The following CTNNA2 variants were observed in gnomAD, a reference collection of about 807,000 sequenced individuals.
CTNNA2 encodes the protein catenin alpha-2.
In CTNNA2, 42 loss-of-function variants were observed where a neutral mutation model predicts 101.0. That is an observed-to-expected ratio of 0.42 (90% CI 0.32 to 0.54). The LOEUF is 0.54. Among genes scored for constraint, CTNNA2 ranks in the 20% least tolerant of loss-of-function variants. CTNNA2 has a pLI of 0.14. For missense variants in CTNNA2, 871 were observed against 1,223.1 expected (o/e 0.71, Z 4.29); for synonymous variants, 450 against 456.4 (o/e 0.99, Z 0.18).
intron 7 of CTNNA2, chr2:80,304,429 G>A (rs1395457115): frequency 6.5e-6 from 1 of 152,680 alleles, no homozygotes; most frequent in Non-Finnish European, 1.5e-5. Context: ...TCTGCAGTTC[G>A]GACTGTGACG....
At chr2:79,979,778 A>C (rs568545024) in intron 7 of CTNNA2, among the ~76,000 whole-genome samples, 1 of 152,262 alleles carries the variant, frequency 6.6e-6, no homozygotes, top group East Asian at 1.9e-4. Context: ...AAGGCCCTGC[A>C]CACTTACAAG....
At chr2:80,052,476 T>C (rs911390837) in intron 7 of CTNNA2, among the ~76,000 whole-genome samples, 1 of 152,244 alleles carries the variant, frequency 6.6e-6, no homozygotes, top group Admixed American at 6.5e-5. Flanking sequence ...ACTCTGTGAT[T>C]TGTTGCTGCT....
At chr2:80,468,271 C>T (rs980072301) in intron 9 of CTNNA2, among the ~76,000 whole-genome samples, 7 of 152,070 alleles carry the variant, frequency 4.6e-5, no homozygotes, top group Non-Finnish European at 1.0e-4. Context: ...AATTTGGACC[C>T]TATTTGAAAA....
At chr2:79,960,562 T>C (rs559738146) in intron 7 of CTNNA2, among the ~76,000 whole-genome samples, 2 of 152,368 alleles carry the variant, frequency 1.3e-5, no homozygotes, top group South Asian at 4.1e-4. Flanking sequence ...GCACCTAGTA[T>C]TGAGCAACCA....
chr2:80,517,110 C>G (rs990561792), intron 9 of CTNNA2, among the ~76,000 whole-genome samples: 2 of 152,140 alleles, frequency 1.3e-5, no homozygotes, highest in African/African-American at 4.8e-5. Context: ...ACATTTGTTT[C>G]TGACCTTCAG....
chr2:79,766,252 A>G (rs867766199), intron 3 of CTNNA2, among the ~76,000 whole-genome samples: 7 of 152,092 alleles, frequency 4.6e-5, no homozygotes, highest in Non-Finnish European at 8.8e-5. Flanking sequence ...CTGTCTGGAA[A>G]ATTCTTTATT....
intron 3 of CTNNA2, among the ~76,000 whole-genome samples, chr2:79,813,347 A>G (rs1677200740): frequency 6.6e-6 from 1 of 152,192 alleles, no homozygotes; most frequent in Non-Finnish European, 1.5e-5. Flanking sequence ...ATTCCCACAG[A>G]GAAATTTATG....
chr2:80,325,282 T>C (rs1272364924), intron 7 of CTNNA2, among the ~76,000 whole-genome samples: 2 of 152,140 alleles, frequency 1.3e-5, no homozygotes, highest in African/African-American at 2.4e-5. Flanking sequence ...TACTGTAGAT[T>C]TGCAGGATTT....
At chr2:79,769,749 G>T (rs1401063737) in intron 3 of CTNNA2, among the ~76,000 whole-genome samples, 1 of 152,166 alleles carries the variant, frequency 6.6e-6, no homozygotes, top group Non-Finnish European at 1.5e-5. Context: ...ATATTCTTCT[G>T]ATTAGGAGTT....
intron 7 of CTNNA2, among the ~76,000 whole-genome samples, chr2:80,330,574 C>A (rs566463834): frequency 2.0e-5 from 3 of 151,692 alleles, no homozygotes; most frequent in South Asian, 4.2e-4. Context: ...GGCAAGCTGA[C>A]AATCAGGCCG....
chr2:79,368,215 TAA>T (rs546408346), intron 3 of CTNNA2, among the ~76,000 whole-genome samples: 181 of 152,354 alleles, frequency 1.2e-3, no homozygotes, highest in African/African-American at 4.0e-3. Context: ...ATATTTAACG[TAA>T]GACTCCTTTT....
intron 7 of CTNNA2, among the ~76,000 whole-genome samples, chr2:80,078,252 A>G (rs1025203162): frequency 1.3e-5 from 2 of 152,176 alleles, no homozygotes; most frequent in Non-Finnish European, 2.9e-5. Context: ...TGGTTGCAGA[A>G]CCATTTTCTG....
chr2:79,201,785 GA>G lies in CTNNA2; in HGVS notation c.-406+3711del, dbSNP rs1034740075. 1.1e-4 allele frequency among the ~76,000 whole-genome samples: 17 copies of G among 152,096 alleles called. 1 individual carries two copies. Among genetic ancestry groups the G allele is most frequent in the African/African-American group, 4.1e-4 (17 of 41,502 alleles). ...AATCCCTTCGTGGTTAGCAAAATGT[GA>G]ACCCCAAATATATGAGATGGGTCTC... On this transcript the variant is annotated intron_variant, in intron 2 of 21. Transcript: ENST00000466387.
chr2:80,002,104 C>G (rs1436473477), intron 7 of CTNNA2, among the ~76,000 whole-genome samples: 1 of 152,102 alleles, frequency 6.6e-6, no homozygotes, highest in Non-Finnish European at 1.5e-5. Context: ...TTCTATGGCT[C>G]AGACAGACTT....
In CTNNA2 at chr2:79,344,867, T is replaced by C. The variant is rs543337614; in HGVS notation, c.-317-28964T>C. 2.5e-3 allele frequency among the ~76,000 whole-genome samples: 362 copies of C among 144,896 alleles called. 3 individuals carry two copies. Among genetic ancestry groups the C allele is most frequent in the African/African-American group, 8.8e-3 (347 of 39,382 alleles). On this transcript the variant is annotated intron_variant, in intron 3 of 21. Coordinates refer to the CTNNA2 transcript ENST00000466387. ...CAAATATTATATATATAATATATTA[T>C]ATTTATATATATAATATATATATAA...
rs546435454 is a variant in CTNNA2, at chr2:79,816,486, G to A, written c.299-41527G>A. 6.6e-5 allele frequency among the ~76,000 whole-genome samples: 10 copies of A among 152,054 alleles called. No individual in the cohort carries two copies. In the East Asian group the frequency reaches 9.6e-4, roughly 15 times the overall value. ...GAGACATAATGCTGGACTCACCAACGTTTGAAAGATGGGTGCAGGAAGAGT... is the reference window on the plus strand; with the variant it reads ...GAGACATAATGCTGGACTCACCAACATTTGAAAGATGGGTGCAGGAAGAGT... On this transcript the variant is annotated intron_variant, in intron 3 of 18. Coordinates refer to ENST00000402739, the MANE Select transcript of CTNNA2 (RefSeq NM_001282597.3).
At chr2:79,475,345 C>G (rs561010145) in intron 4 of CTNNA2, among the ~76,000 whole-genome samples, 1 of 152,090 alleles carries the variant, frequency 6.6e-6, no homozygotes, top group Admixed American at 6.5e-5. Flanking sequence ...CCCCTTTGTT[C>G]TGGGTACAAG....
intron 4 of CTNNA2, among the ~76,000 whole-genome samples, chr2:79,390,384 C>T (rs1465978672): frequency 6.6e-6 from 1 of 152,182 alleles, no homozygotes; most frequent in African/African-American, 2.4e-5. Flanking sequence ...CCCAGACTTA[C>T]GGGATTTCTC....
chr2:79,398,891 T>G (rs1678260340), intron 4 of CTNNA2, among the ~76,000 whole-genome samples: 3 of 151,472 alleles, frequency 2.0e-5, no homozygotes, highest in Admixed American at 2.0e-4. Flanking sequence ...ATAAAAACAA[T>G]AAGCTTTGTG....
Sources: allele counts gnomAD v4.1 joint callset (sites outside exome capture counted in the v4.1 genomes callset), GRCh38; gene constraint gnomAD v4.1.1; transcripts MANE v1.5; gene names NCBI Gene and HGNC (gene_info 2026-07-23, HGNC 2026-07-21).